The following DCC variants were observed in gnomAD, a reference collection of about 807,000 sequenced individuals.
DCC encodes the protein DCC netrin 1 receptor, also known as netrin receptor DCC.
In DCC, 58 loss-of-function variants were observed where a neutral mutation model predicts 172.5. The ratio of observed to expected loss-of-function variants is 0.34; its 90% confidence interval spans 0.27 to 0.42. The LOEUF is 0.42. Among genes scored for constraint, DCC ranks in the 10% least tolerant of loss-of-function variants. DCC has a pLI of 1.00. For synonymous variants in DCC, 709 were observed against 644.5 expected (o/e 1.10, Z -1.52); for missense variants, 1,740 against 1,791.0 (o/e 0.97, Z 0.51).
intron 2 of DCC, among the ~76,000 whole-genome samples, chr18:52,888,564 A>T (rs932538465): frequency 1.3e-5 from 2 of 152,190 alleles, no homozygotes; most frequent in Non-Finnish European, 2.9e-5. Context: ...ACTTAAAAAA[A>T]GTACTGGAAA....
intron 12 of DCC, among the ~76,000 whole-genome samples, chr18:53,236,647 A>G (rs2144627595): frequency 6.6e-6 from 1 of 152,064 alleles, no homozygotes; most frequent in African/African-American, 2.4e-5. Context: ...ACCTTTTATG[A>G]TCTACTTAAG....
At chr18:53,353,513 T>G (rs946064449) in intron 15 of DCC, among the ~76,000 whole-genome samples, 28 of 145,354 alleles carry the variant, frequency 1.9e-4, no homozygotes, top group African/African-American at 7.2e-4. Flanking sequence ...TTATTTTAGA[T>G]ATTTAACTGG....
At chr18:53,336,822 G>A (rs761845423) in intron 14 of DCC, among the ~76,000 whole-genome samples, 4 of 152,228 alleles carry the variant, frequency 2.6e-5, no homozygotes, top group Admixed American at 6.5e-5. Context: ...GCTGCAATGA[G>A]CTTTGATCTC....
At chr18:52,986,835 T>TACACAC (rs147730924) in intron 5 of DCC, among the ~76,000 whole-genome samples, 21,642 of 135,958 alleles carry the variant, frequency 0.16, 1,707 homozygotes, top group East Asian at 0.42. Flanking sequence ...CACATATACA[T>TACACAC]ACACACACAC....
At chr18:53,031,938 G>A (rs1023958678) in intron 5 of DCC, among the ~76,000 whole-genome samples, 1 of 151,976 alleles carries the variant, frequency 6.6e-6, no homozygotes, top group African/African-American at 2.4e-5. Flanking sequence ...TCAAAAAGGG[G>A]CATTTTGATG....
chr18:53,316,006 C>T (rs1345643521), intron 13 of DCC, among the ~76,000 whole-genome samples: 1 of 151,966 alleles, frequency 6.6e-6, no homozygotes, highest in African/African-American at 2.4e-5. Context: ...CTTTTGTTGC[C>T]ATTGCTTTTG....
At chr18:52,864,737 T>C (rs956353505) in intron 2 of DCC, among the ~76,000 whole-genome samples, 1 of 151,450 alleles carries the variant, frequency 6.6e-6, no homozygotes, top group South Asian at 2.1e-4. Context: ...CGTGTGTCCA[T>C]GTGTTTTCAT....
intron 2 of DCC, among the ~76,000 whole-genome samples, chr18:52,799,185 C>G (rs1475251231): frequency 6.6e-6 from 1 of 152,198 alleles, no homozygotes; most frequent in Admixed American, 6.5e-5. Context: ...TAATCCGTGG[C>G]TACTTGAGAC....
intron 1 of DCC, among the ~76,000 whole-genome samples, chr18:52,608,843 T>C (rs971823049): frequency 2.0e-5 from 3 of 152,188 alleles, no homozygotes; most frequent in Non-Finnish European, 4.4e-5. Context: ...AAAACCAAAC[T>C]TGGCTTCGTG....
At chr18:52,626,183 C>T (rs2034570868) in intron 1 of DCC, among the ~76,000 whole-genome samples, 1 of 152,290 alleles carries the variant, frequency 6.6e-6, no homozygotes, top group Admixed American at 6.5e-5. Context: ...GCCTAGTAAA[C>T]ATCTCAAGCT....
intron 1 of DCC, among the ~76,000 whole-genome samples, chr18:52,415,137 C>A (rs1260172924): frequency 6.6e-6 from 1 of 152,118 alleles, no homozygotes; most frequent in Non-Finnish European, 1.5e-5. Context: ...ATTTTTTATA[C>A]CCTTGTGAAC....
chr18:52,387,602 C>CCTTT (rs1985858818), intron 1 of DCC, among the ~76,000 whole-genome samples: 1 of 150,166 alleles, frequency 6.7e-6, no homozygotes, highest in Non-Finnish European at 1.5e-5. Flanking sequence ...TTCCTTCCTT[C>CCTTT]CTTCCTTCCT....
chr18:52,644,315 A>C (rs918490134), intron 1 of DCC, among the ~76,000 whole-genome samples: 9 of 152,110 alleles, frequency 5.9e-5, no homozygotes, highest in African/African-American at 2.2e-4. Flanking sequence ...GTGATGGCTC[A>C]CGCCTGTAAT....
At chr18:52,977,917 A>T (rs1234220198) in intron 5 of DCC, among the ~76,000 whole-genome samples, 3 of 151,862 alleles carry the variant, frequency 2.0e-5, no homozygotes, top group African/African-American at 7.3e-5. Flanking sequence ...AGAAAAAGAA[A>T]AAAAAAGCAT....
chr18:52,925,328 A>G lies in DCC; in HGVS notation c.943A>G (p.Lys315Glu). 6.2e-7 allele frequency: 1 copy of G among 1,612,642 alleles called. No individual in the cohort carries two copies. The highest frequency in any genetic ancestry group is 1.1e-5 in the South Asian group (1 of 91,074). Residue 315 changes from lysine (K) to glutamate (E), a missense_variant, in exon 5 of 29, where the codon AAA becomes GAA. By Grantham distance (56) the Lys-to-Glu change is moderately conservative. Coordinates refer to ENST00000442544, the MANE Select transcript of DCC (RefSeq NM_005215.4). The stretch of plus-strand genomic sequence containing the variant: ...AATGTATACCTGTGTTGTCACATAT[A>G]AAAATGAGAATATTAGTGCCTCTGC... ...SGMYTCVVTYKNENISASAEL... is the reference protein window; with the variant it reads ...SGMYTCVVTYENENISASAEL...
chr18:52,681,006 G>C (rs2035741060), intron 1 of DCC, among the ~76,000 whole-genome samples: 1 of 152,060 alleles, frequency 6.6e-6, no homozygotes. Flanking sequence ...TTCTGAAACT[G>C]TTAGTAAATT....
chr18:52,917,874 G>T (rs182736099), intron 3 of DCC, among the ~76,000 whole-genome samples: 36 of 152,216 alleles, frequency 2.4e-4, no homozygotes, highest in African/African-American at 7.7e-4. Flanking sequence ...GCTTTTAATC[G>T]ATTTAGAAAA....
At chr18:52,414,855 C>T (rs1203784801) in intron 1 of DCC, among the ~76,000 whole-genome samples, 1 of 152,214 alleles carries the variant, frequency 6.6e-6, no homozygotes, top group Admixed American at 6.5e-5. Context: ...TTATGCTTCC[C>T]TCTAACACAA....
At chr18:53,052,254 C>G (rs1240553094) in intron 5 of DCC, among the ~76,000 whole-genome samples, 1 of 152,014 alleles carries the variant, frequency 6.6e-6, no homozygotes. Flanking sequence ...ACCTCTAGCT[C>G]TATTGAATTT....
Sources: gnomAD v4.1 joint callset for allele counts (sites outside exome capture counted in the v4.1 genomes callset) on GRCh38, gnomAD v4.1.1 for gene constraint, MANE v1.5 for transcripts, NCBI Gene and HGNC (gene_info 2026-07-23, HGNC 2026-07-21) for gene names.